Variants in NINL observed in about 807,000 individuals in gnomAD.
NINL encodes ninein like.
A neutral mutation model predicts 160.3 loss-of-function variants in NINL; 153 were observed. The ratio of observed to expected loss-of-function variants is 0.95; its 90% CI spans 0.84 to 1.09. NINL has a LOEUF of 1.09. Among genes scored for constraint, NINL ranks in the 50% least tolerant of loss-of-function variants. The pLI is 0.00. For missense variants in NINL, 1,829 were observed against 1,764.0 expected (o/e 1.04, Z -0.66); for synonymous variants, 800 against 734.8 (o/e 1.09, Z -1.43).
intron 10 of NINL, among the ~76,000 whole-genome samples, chr20:25,495,064 C>A (rs1009627251): frequency 6.6e-6 from 1 of 152,116 alleles, no homozygotes; most frequent in African/African-American, 2.4e-5. Context: ...GTGGCTGTTA[C>A]GTGAGGCGAC....
At chr20:25,526,880 T>C (rs1239014651) in intron 1 of NINL, among the ~76,000 whole-genome samples, 2 of 152,102 alleles carry the variant, frequency 1.3e-5, no homozygotes, top group African/African-American at 4.8e-5. Context: ...AAAATATCCA[T>C]TAGGCCAGGT....
chr20:25,482,140 G>T, intron 13 of NINL, 40 bp from the exon 14 acceptor site: 1 of 1,576,304 alleles, frequency 6.3e-7, no homozygotes, highest in Non-Finnish European at 8.6e-7. Flanking sequence ...AGCAGCTGCA[G>T]CCATTCAGCC....
intron 1 of NINL, among the ~76,000 whole-genome samples, chr20:25,562,393 GC>G (rs2064954618): frequency 8.8e-6 from 1 of 113,788 alleles, no homozygotes; most frequent in Non-Finnish European, 1.9e-5. Context: ...TCGGATGGTT[GC>G]TGTGTCTGTG....
At chr20:25,530,362 T>A (rs2064435525) in intron 1 of NINL, among the ~76,000 whole-genome samples, 1 of 152,198 alleles carries the variant, frequency 6.6e-6, no homozygotes, top group African/African-American at 2.4e-5. Flanking sequence ...GCCTCCCTCA[T>A]TTTAAAAAAT....
At chr20:25,575,148 T>C (rs2065099484) in intron 1 of NINL, among the ~76,000 whole-genome samples, 1 of 152,102 alleles carries the variant, frequency 6.6e-6, no homozygotes, top group Non-Finnish European at 1.5e-5. Flanking sequence ...TTCAAATGTA[T>C]AGAAAATTTA....
intron 1 of NINL, among the ~76,000 whole-genome samples, chr20:25,561,784 A>G (rs1199459605): frequency 8.6e-6 from 1 of 116,518 alleles, no homozygotes; most frequent in Non-Finnish European, 1.7e-5. Context: ...AAGTGAGGAG[A>G]CCCTCCGCCT....
At chr20:25,505,780 G>A (rs1225308671) in intron 5 of NINL, among the ~76,000 whole-genome samples, 2 of 152,168 alleles carry the variant, frequency 1.3e-5, no homozygotes, top group Non-Finnish European at 2.9e-5. Context: ...ATGGATGGAC[G>A]GACAAAGGGG....
chr20:25,459,148 C>T (rs1282582958), intron 21 of NINL, among the ~76,000 whole-genome samples: 1 of 152,194 alleles, frequency 6.6e-6, no homozygotes, highest in Non-Finnish European at 1.5e-5. Flanking sequence ...TCTTTGGCAC[C>T]CTATAAGAAC....
intron 1 of NINL, among the ~76,000 whole-genome samples, chr20:25,560,586 A>G (rs1041156331): frequency 2.1e-4 from 32 of 152,168 alleles, no homozygotes; most frequent in African/African-American, 7.7e-4. Context: ...GGTTTCTGTC[A>G]CTTCCCCAGG....
chr20:25,495,627 T>G (rs2063737777), intron 10 of NINL, among the ~76,000 whole-genome samples: 1 of 152,148 alleles, frequency 6.6e-6, no homozygotes, highest in Admixed American at 6.5e-5. Flanking sequence ...CCAAGAGCTG[T>G]GACTCAGAGC....
chr20:25,459,605 A>T (rs1046221542), intron 21 of NINL, among the ~76,000 whole-genome samples: 1 of 152,066 alleles, frequency 6.6e-6, no homozygotes, highest in African/African-American at 2.4e-5. Flanking sequence ...CATCAAGCAC[A>T]TCTACCCACC....
intron 1 of NINL, among the ~76,000 whole-genome samples, chr20:25,558,070 G>A (rs1177834866): frequency 1.3e-5 from 2 of 152,098 alleles, no homozygotes; most frequent in African/African-American, 2.4e-5. Flanking sequence ...GAAGACAAGA[G>A]GTGGAGGCTG....
Position 25,453,468 on chromosome 20 carries a change from CG to C in NINL, c.4131del (p.Ala1378GlnfsTer22). The C allele has an allele frequency of 1.2e-6, 2 of 1,609,882 alleles. No individual in the cohort carries two copies. The highest frequency in any genetic ancestry group is 1.7e-6 in the Non-Finnish European group (2 of 1,178,004). ...ALNKLVSRIAPAALSV is the reference protein window; with the variant it reads ...ALNKLVSRIAXAALSV The stretch of plus-strand genomic sequence containing the variant: ...ATCTGTCTTTACACAGAGAGGGCTG[CG>C]GGGGCAATCCTACTGACGAGTTTGT... On this transcript the variant is annotated frameshift_variant, in exon 24 of 24. Coordinates refer to ENST00000278886, the MANE Select transcript of NINL (RefSeq NM_025176.6). LOFTEE classifies it high-confidence loss of function.
intron 1 of NINL, among the ~76,000 whole-genome samples, chr20:25,569,543 T>C (rs2065031674): frequency 6.6e-6 from 1 of 152,202 alleles, no homozygotes. Flanking sequence ...CAGCGGCCCA[T>C]GTCTCAGAGC....
At chr20:25,559,281 G>A (rs1016841077) in intron 1 of NINL, among the ~76,000 whole-genome samples, 3 of 152,014 alleles carry the variant, frequency 2.0e-5, no homozygotes, top group Admixed American at 1.3e-4. Flanking sequence ...TCACTCTGTC[G>A]CCAGGCTGGA....
At chr20:25,502,277 C>T (rs548523294) in intron 7 of NINL, among the ~76,000 whole-genome samples, 8 of 152,150 alleles carry the variant, frequency 5.3e-5, no homozygotes, top group African/African-American at 1.4e-4. Flanking sequence ...CCACCATGCC[C>T]GGCCCTCATT....
intron 1 of NINL, among the ~76,000 whole-genome samples, chr20:25,542,119 C>T (rs1034918679): frequency 6.6e-6 from 1 of 152,180 alleles, no homozygotes; most frequent in African/African-American, 2.4e-5. Context: ...CAGTGGGGAC[C>T]CTGTCCTCCA....
At chr20:25,504,799 G>T (rs2063930689) in intron 6 of NINL, 89 bp downstream of exon 6, 1 of 1,338,356 alleles carries the variant, frequency 7.5e-7, no homozygotes, top group African/African-American at 1.4e-5. Flanking sequence ...CTACATGAGT[G>T]GCTGAAGGGT....
chr20:25,491,532 CAT>C lies in NINL; in HGVS notation c.1311-9_1311-8del, dbSNP rs749900450. Reference sequence around the variant, plus strand: ...GTACCCCTGCTCCAGATGCCTGTAACATGTCACACATCACACGTCAGACATGT... The same window carrying C: ...GTACCCCTGCTCCAGATGCCTGTAACGTCACACATCACACGTCAGACATGT... On this transcript the variant is annotated splice_region_variant and splice_polypyrimidine_tract_variant and intron_variant, in intron 10 of 23. Coordinates refer to ENST00000278886, the MANE Select transcript of NINL (RefSeq NM_025176.6). 1.2e-6 allele frequency: 2 copies of C among 1,612,172 alleles called. No individual in the cohort carries two copies. Among genetic ancestry groups the C allele is most frequent in the African/African-American group, 2.7e-5 (2 of 74,924 alleles).
Sources: gnomAD v4.1 joint callset for allele counts (sites outside exome capture counted in the v4.1 genomes callset) on GRCh38, gnomAD v4.1.1 for gene constraint, MANE v1.5 for transcripts, NCBI Gene and HGNC (gene_info 2026-07-23, HGNC 2026-07-21) for gene names.